The following TBL1Y variants were observed in gnomAD, a reference collection of about 807,000 sequenced individuals.
TBL1Y encodes F-box-like/WD repeat-containing protein TBL1Y.
In TBL1Y, 15 loss-of-function variants were observed where a neutral mutation model predicts 12.0. The ratio of observed to expected loss-of-function variants is 1.25; its 90% confidence interval spans 0.83 to 1.92. TBL1Y has a LOEUF of 1.92. TBL1Y is among the 40% of genes most tolerant of loss of function. The pLI, the probability that TBL1Y is intolerant of heterozygous loss-of-function variation, is 0.00. For synonymous variants in TBL1Y, 53 were observed against 42.6 expected (o/e 1.24, Z -0.95); for missense variants, 148 against 116.7 (o/e 1.27, Z -1.24).
intron 7 of TBL1Y, among the ~76,000 whole-genome samples, chrY:7,062,771 C>G: frequency 3.0e-5 from 1 of 33,478 alleles, no homozygotes; most frequent in African/African-American, 1.2e-4. Context: ...AAATTTCTTG[C>G]CTTTTCTACT....
At chrY:6,919,953 A>G (rs2011764411) in intron 2 of TBL1Y, 1 of 33,821 alleles carries the variant, frequency 3.0e-5, no homozygotes, top group African/African-American at 1.2e-4. Context: ...CATGGCCCAA[A>G]GTAATCCTCT....
intron 6 of TBL1Y, among the ~76,000 whole-genome samples, chrY:7,031,523 T>A: frequency 3.0e-5 from 1 of 32,959 alleles, no homozygotes; most frequent in South Asian, 6.9e-4. Flanking sequence ...TCTGTGTCAG[T>A]CTCCTCCTGT....
At chrY:7,089,646 T>C (rs2013161712) in intron 17 of TBL1Y, among the ~76,000 whole-genome samples, 1 of 33,326 alleles carries the variant, frequency 3.0e-5, no homozygotes, top group African/African-American at 1.2e-4. Context: ...CAAAATTAGC[T>C]GGGCATGGTC....
intron 2 of TBL1Y, among the ~76,000 whole-genome samples, chrY:6,973,410 G>A: frequency 1.5e-4 from 5 of 33,018 alleles, no homozygotes; most frequent in Admixed American, 8.3e-4. Context: ...CCCCTGAGTG[G>A]CTCTCATTCA....
intron 7 of TBL1Y, among the ~76,000 whole-genome samples, chrY:7,046,336 C>A (rs2012758050): frequency 3.0e-5 from 1 of 33,470 alleles, no homozygotes; most frequent in African/African-American, 1.2e-4. Context: ...AAAGAATGAG[C>A]TAAATAGTCA....
intron 7 of TBL1Y, among the ~76,000 whole-genome samples, chrY:7,063,243 C>G (rs903077829): frequency 3.0e-5 from 1 of 33,477 alleles, no homozygotes; most frequent in Non-Finnish European, 7.4e-5. Context: ...ATAAAATATT[C>G]TTTTTAATTC....
At chrY:6,934,134 A>C in intron 2 of TBL1Y, among the ~76,000 whole-genome samples, 1 of 33,376 alleles carries the variant, frequency 3.0e-5, no homozygotes, top group Non-Finnish European at 7.4e-5. Context: ...TTCATTTACC[A>C]GTGAAAAGTA....
intron 7 of TBL1Y, among the ~76,000 whole-genome samples, chrY:7,056,327 C>T: frequency 3.0e-5 from 1 of 32,870 alleles, no homozygotes; most frequent in East Asian, 8.0e-4. Flanking sequence ...TGAAGCATTA[C>T]CCTCCCGTAT....
intron 7 of TBL1Y, among the ~76,000 whole-genome samples, chrY:7,063,482 G>T: frequency 1.2e-4 from 4 of 32,743 alleles, no homozygotes; most frequent in African/African-American, 3.6e-4. Flanking sequence ...AAATGGTTAT[G>T]GCAGAGCAGA....
chrY:6,988,669 A>C, intron 3 of TBL1Y, among the ~76,000 whole-genome samples: 1 of 28,908 alleles, frequency 3.5e-5, no homozygotes, highest in Non-Finnish European at 8.1e-5. Context: ...CAAAAACATA[A>C]ATAAATAAAT....
intron 8 of TBL1Y, 110 bp downstream of exon 8, chrY:7,064,259 T>C: frequency 4.2e-6 from 1 of 235,431 alleles, no homozygotes; most frequent in Non-Finnish European, 6.6e-6. Context: ...TATAAATGTC[T>C]TAGTAGCTGC....
intron 4 of TBL1Y, among the ~76,000 whole-genome samples, chrY:7,002,314 G>A (rs752545611): frequency 2.9e-5 from 1 of 34,061 alleles, no homozygotes; most frequent in Non-Finnish European, 7.3e-5. Flanking sequence ...ACATGGGTTG[G>A]AGGAGATTCC....
At chrY:6,934,724 G>A in intron 2 of TBL1Y, among the ~76,000 whole-genome samples, 1 of 33,415 alleles carries the variant, frequency 3.0e-5, no homozygotes, top group Admixed American at 2.7e-4. Context: ...TTTCTTTTTT[G>A]GTATATTATT....
chrY:7,053,873 C>T, intron 7 of TBL1Y, among the ~76,000 whole-genome samples: 1 of 33,752 alleles, frequency 3.0e-5, no homozygotes, highest in East Asian at 7.9e-4. Context: ...ACAAAAAAGA[C>T]CCTGGTCTCT....
chrY:7,081,765 G>A (rs1603051269), intron 14 of TBL1Y, among the ~76,000 whole-genome samples: 4 of 32,172 alleles, frequency 1.2e-4, no homozygotes, highest in African/African-American at 4.9e-4. Flanking sequence ...ACCATATCTC[G>A]TAAGAACTCA....
chrY:6,962,332 G>A, intron 2 of TBL1Y, among the ~76,000 whole-genome samples: 3 of 33,823 alleles, frequency 8.9e-5, no homozygotes, highest in African/African-American at 3.4e-4. Flanking sequence ...GTTAAAGGCC[G>A]TGGTAAATTA....
chrY:6,911,475 G>T, intron 1 of TBL1Y, among the ~76,000 whole-genome samples: 3 of 34,409 alleles, frequency 8.7e-5, no homozygotes, highest in Non-Finnish European at 2.2e-4. Context: ...CGCGCAGAGC[G>T]GGGCGACCGG....
At chrY:7,065,586 T>A (rs2012976924) in intron 8 of TBL1Y, among the ~76,000 whole-genome samples, 1 of 33,796 alleles carries the variant, frequency 3.0e-5, no homozygotes, top group Non-Finnish European at 7.3e-5. Flanking sequence ...GCCTGTCCTC[T>A]CCACCACTGT....
chrY:6,985,903 G>A, intron 3 of TBL1Y, among the ~76,000 whole-genome samples: 1 of 33,124 alleles, frequency 3.0e-5, no homozygotes, highest in Non-Finnish European at 7.4e-5. Context: ...ACTGGGTTTT[G>A]TTCTAGATGT....
Sources: gnomAD v4.1 joint callset for allele counts (sites outside exome capture counted in the v4.1 genomes callset) on GRCh38, gnomAD v4.1.1 for gene constraint, MANE v1.5 for transcripts, NCBI Gene and HGNC (gene_info 2026-07-23, HGNC 2026-07-21) for gene names.